CSMD1: variants seen among roughly 807,000 people sequenced by gnomAD.
CSMD1 encodes the protein CUB and sushi domain-containing protein 1.
Under a neutral mutation model 417.5 loss-of-function variants are expected in CSMD1, and 213 were observed. The observed-to-expected ratio is 0.51, with a 90% CI of 0.46 to 0.57. The LOEUF (loss-of-function observed/expected upper bound fraction) is 0.57, where lower values mean the gene tolerates loss of function less well. Ranked by LOEUF, CSMD1 falls within the 20% of genes least tolerant of loss-of-function variation. The pLI is 0.00. For synonymous variants in CSMD1, 2,862 were observed against 1,736.8 expected, an observed-to-expected ratio of 1.65 and a Z score of -16.11; for missense variants, 6,923 against 4,529.7, an observed-to-expected ratio of 1.53 and a Z score of -15.17.
At chr8:3,094,750 A>G (rs1232616248) in intron 47 of CSMD1, among the ~76,000 whole-genome samples, 1 of 149,812 alleles carries the variant, frequency 6.7e-6, no homozygotes, top group Non-Finnish European at 1.5e-5. Flanking sequence ...AAATCAATAT[A>G]TTCAACATGT....
intron 3 of CSMD1, among the ~76,000 whole-genome samples, chr8:4,074,924 A>G (rs957520084): frequency 6.6e-6 from 1 of 152,086 alleles, no homozygotes. Context: ...ATAAGGCACC[A>G]CACTTTGAAT....
At chr8:3,929,767 T>C (rs566293667) in intron 5 of CSMD1, among the ~76,000 whole-genome samples, 2 of 149,594 alleles carry the variant, frequency 1.3e-5, no homozygotes, top group African/African-American at 4.9e-5. Flanking sequence ...ATACAAGCAA[T>C]TCTCCTGTCT....
intron 1 of CSMD1, among the ~76,000 whole-genome samples, chr8:4,733,893 T>C (rs1255101843): frequency 1.3e-5 from 2 of 152,150 alleles, no homozygotes; most frequent in East Asian, 3.9e-4. Flanking sequence ...GGGTAGCTTT[T>C]TGAATTCTGG....
At chr8:3,356,285 T>G (rs1808785265) in intron 21 of CSMD1, among the ~76,000 whole-genome samples, 1 of 152,238 alleles carries the variant, frequency 6.6e-6, no homozygotes, top group Non-Finnish European at 1.5e-5. Flanking sequence ...GAGAACCTTG[T>G]GAGGAAAGCA....
chr8:3,380,244 T>C (rs1319032132), intron 18 of CSMD1, among the ~76,000 whole-genome samples: 8 of 152,156 alleles, frequency 5.3e-5, no homozygotes, highest in Non-Finnish European at 1.5e-5. Context: ...AAACAACAGA[T>C]GCTGGAGAGG....
At chr8:3,754,360 G>C (rs1189355917) in intron 5 of CSMD1, among the ~76,000 whole-genome samples, 1 of 151,898 alleles carries the variant, frequency 6.6e-6, no homozygotes, top group South Asian at 2.1e-4. Context: ...TAATCACAAT[G>C]AATCAGAAAA....
At chr8:4,986,211 A>C (rs1267496162) in intron 1 of CSMD1, among the ~76,000 whole-genome samples, 1 of 152,168 alleles carries the variant, frequency 6.6e-6, no homozygotes, top group Non-Finnish European at 1.5e-5. Flanking sequence ...AGGAAGTGAA[A>C]ATTTACTCAG....
intron 2 of CSMD1, among the ~76,000 whole-genome samples, chr8:4,431,900 T>C (rs1191711147): frequency 6.6e-6 from 1 of 152,156 alleles, no homozygotes; most frequent in Non-Finnish European, 1.5e-5. Context: ...AATATGTGAA[T>C]GATATGTAAC....
intron 12 of CSMD1, among the ~76,000 whole-genome samples, chr8:3,444,684 G>C (rs987121299): frequency 6.6e-6 from 1 of 152,116 alleles, no homozygotes; most frequent in East Asian, 1.9e-4. Flanking sequence ...TAGGCCTGAG[G>C]CTGAGGAGGC....
intron 3 of CSMD1, among the ~76,000 whole-genome samples, chr8:4,365,874 A>C (rs949786324): frequency 6.6e-6 from 1 of 152,212 alleles, no homozygotes; most frequent in African/African-American, 2.4e-5. Context: ...CTTAAAGAGT[A>C]ATTTTCTTTT....
At chr8:3,730,452 C>A (rs1441792934) in intron 6 of CSMD1, among the ~76,000 whole-genome samples, 2 of 145,938 alleles carry the variant, frequency 1.4e-5, no homozygotes, top group Admixed American at 1.4e-4. Context: ...GCAAAGACTG[C>A]TGTCTAAGAA....
At chr8:4,394,852 G>T (rs1195592060) in intron 3 of CSMD1, among the ~76,000 whole-genome samples, 1 of 151,772 alleles carries the variant, frequency 6.6e-6, no homozygotes, top group African/African-American at 2.4e-5. Flanking sequence ...TGCTTCTCTG[G>T]GCTAGAGAGT....
At chr8:3,805,752 C>A (rs950130468) in intron 5 of CSMD1, among the ~76,000 whole-genome samples, 1 of 152,046 alleles carries the variant, frequency 6.6e-6, no homozygotes, top group South Asian at 2.1e-4. Flanking sequence ...TTGTGATACT[C>A]TTTGAGTCCG....
At chr8:4,975,666 T>A (rs904377353) in intron 1 of CSMD1, among the ~76,000 whole-genome samples, 2 of 152,170 alleles carry the variant, frequency 1.3e-5, no homozygotes, top group African/African-American at 4.8e-5. Flanking sequence ...GAGGTAACGG[T>A]AATTCAAGAA....
intron 36 of CSMD1, among the ~76,000 whole-genome samples, chr8:3,183,655 T>C (rs1337947119): frequency 2.0e-5 from 3 of 151,738 alleles, no homozygotes; most frequent in African/African-American, 2.4e-5. Flanking sequence ...CGTCACGAAC[T>C]GAACGCCTAA....
intron 1 of CSMD1, among the ~76,000 whole-genome samples, chr8:4,943,678 T>G (rs1808176999): frequency 6.6e-6 from 1 of 152,210 alleles, no homozygotes; most frequent in Non-Finnish European, 1.5e-5. Flanking sequence ...CTTTGCAGAC[T>G]GAATCACATA....
chr8:4,039,463 T>C (rs952489816), intron 3 of CSMD1, among the ~76,000 whole-genome samples: 4 of 152,182 alleles, frequency 2.6e-5, no homozygotes, highest in Admixed American at 2.6e-4. Flanking sequence ...AACCTTACAT[T>C]TCTTCTCTTT....
At chr8:3,224,879 C>T (rs1342004271) in intron 27 of CSMD1, among the ~76,000 whole-genome samples, 1 of 152,176 alleles carries the variant, frequency 6.6e-6, no homozygotes, top group Non-Finnish European at 1.5e-5. Context: ...TAAGTATACA[C>T]ATTTTAGATA....
intron 41 of CSMD1, among the ~76,000 whole-genome samples, chr8:3,140,813 T>C (rs1322892382): frequency 6.6e-6 from 1 of 152,252 alleles, no homozygotes; most frequent in African/African-American, 2.4e-5. Context: ...CAAATTATTT[T>C]GCATGAAATT....
Sources: gnomAD v4.1 joint callset for allele counts (sites outside exome capture counted in the v4.1 genomes callset) on GRCh38, gnomAD v4.1.1 for gene constraint, MANE v1.5 for transcripts, NCBI Gene and HGNC (gene_info 2026-07-23, HGNC 2026-07-21) for gene names.